NUP43: variants seen among roughly 807,000 people sequenced by gnomAD.
NUP43 encodes nucleoporin 43.
Under a neutral mutation model 47.3 loss-of-function variants are expected in NUP43, and 32 were observed. That is an observed-to-expected ratio of 0.68 (90% confidence interval 0.51 to 0.91). The LOEUF (loss-of-function observed/expected upper bound fraction) is 0.91. NUP43 is among the 40% of genes least tolerant of loss of function. The pLI is 0.00. For synonymous variants in NUP43, 147 were observed against 158.4 expected (o/e 0.93, Z 0.54); for missense variants, 444 against 453.9 (o/e 0.98, Z 0.20).
chr6:149,729,565 G>A (rs1784933069), intron 7 of NUP43: 1 of 977,356 alleles, frequency 1.0e-6, no homozygotes, highest in Non-Finnish European at 1.2e-6. Context: ...TCAAGTAGCA[G>A]GGGTACTAAC....
chr6:149,734,194 G>T (rs1785203628), intron 6 of NUP43, among the ~76,000 whole-genome samples: 1 of 151,988 alleles, frequency 6.6e-6, no homozygotes, highest in Admixed American at 6.6e-5. Flanking sequence ...AATTAGCTAG[G>T]TGTAGTGGCA....
At chr6:149,734,791 C>T (rs1017700296) in intron 6 of NUP43, among the ~76,000 whole-genome samples, 1 of 115,040 alleles carries the variant, frequency 8.7e-6, no homozygotes, top group African/African-American at 3.3e-5. Context: ...GAACAAGACT[C>T]TGTCTCAAAA....
chr6:149,741,478 AT>A (rs2115139699), intron 4 of NUP43, among the ~76,000 whole-genome samples: 1 of 150,992 alleles, frequency 6.6e-6, no homozygotes, highest in East Asian at 2.0e-4. Flanking sequence ...CCGGCCATAT[AT>A]TTTTACATCC....
chr6:149,739,681 TC>T, intron 4 of NUP43, among the ~76,000 whole-genome samples: 1 of 152,254 alleles, frequency 6.6e-6, no homozygotes. Context: ...TTGTTCAAGC[TC>T]CTCTAAACCC....
At chr6:149,735,336 C>A in intron 6 of NUP43, among the ~76,000 whole-genome samples, 1 of 152,144 alleles carries the variant, frequency 6.6e-6, no homozygotes, top group East Asian at 1.9e-4. Context: ...GAACTACAGG[C>A]ATGTGCCAAT....
intron 3 of NUP43, among the ~76,000 whole-genome samples, chr6:149,743,130 C>T (rs762759296): frequency 2.7e-5 from 4 of 150,612 alleles, no homozygotes; most frequent in South Asian, 2.1e-4. Flanking sequence ...GAGCAGAGAT[C>T]GCACCACTGC....
chr6:149,731,134 G>T (rs900424620), intron 7 of NUP43, among the ~76,000 whole-genome samples: 3 of 151,588 alleles, frequency 2.0e-5, no homozygotes, highest in Non-Finnish European at 2.9e-5. Context: ...GCCAGTTGTG[G>T]TGGCACACAC....
At chr6:149,738,583 T>C (rs1274284607) in intron 5 of NUP43, 60 bp downstream of exon 5, 9 of 1,275,698 alleles carry the variant, frequency 7.1e-6, no homozygotes, top group Non-Finnish European at 9.5e-6. Flanking sequence ...CCAGTAGCTA[T>C]AAACAACCTA....
At chr6:149,736,412 C>T in intron 6 of NUP43, 59 bp downstream of exon 6, 1 of 1,248,904 alleles carries the variant, frequency 8.0e-7, no homozygotes. Flanking sequence ...TGGAAAGGTG[C>T]TTATTATATG....
chr6:149,743,214 T>A (rs1175738136), intron 3 of NUP43, among the ~76,000 whole-genome samples: 2 of 151,078 alleles, frequency 1.3e-5, no homozygotes, highest in African/African-American at 4.9e-5. Context: ...ATAAAATAAA[T>A]AAAATATTAA....
intron 2 of NUP43, among the ~76,000 whole-genome samples, chr6:149,745,346 G>A (rs1012650856): frequency 6.6e-6 from 1 of 151,264 alleles, no homozygotes; most frequent in Admixed American, 6.6e-5. Context: ...GTTGTAGTGA[G>A]CTCAGATCAT....
chr6:149,737,059 G>A (rs969636483), intron 5 of NUP43, among the ~76,000 whole-genome samples: 1 of 152,062 alleles, frequency 6.6e-6, no homozygotes, highest in Non-Finnish European at 1.5e-5. Context: ...GGGAGGCCAA[G>A]GCAGGTGGAT....
At chr6:149,734,203 C>A (rs1012091926) in intron 6 of NUP43, among the ~76,000 whole-genome samples, 10 of 152,018 alleles carry the variant, frequency 6.6e-5, no homozygotes, top group African/African-American at 2.4e-4. Context: ...GGTGTAGTGG[C>A]ATATACCTGT....
intron 6 of NUP43, among the ~76,000 whole-genome samples, chr6:149,735,401 T>C (rs558990828): frequency 2.6e-5 from 4 of 152,006 alleles, no homozygotes; most frequent in Admixed American, 1.3e-4. Flanking sequence ...CAATGCGCTA[T>C]GCAAAATGTT....
intron 1 of NUP43, 136 bp downstream of exon 1, chr6:149,746,240 G>A (rs1305954915): frequency 2.9e-6 from 4 of 1,399,324 alleles, no homozygotes; most frequent in African/African-American, 2.9e-5. Context: ...CGGAGCAACC[G>A]CGCCTGAGAC....
Position 149,726,963 on chromosome 6 carries a change from G to T in NUP43, c.*6C>A. ...TTCTATCTGAAATCTTATAATTATA[G>T]TACTTCTACGAAAAAAGATGTCTAG... On this transcript the variant is annotated 3_prime_UTR_variant, in exon 8 of 8. Transcript: ENST00000340413. 1 of 1,600,134 alleles carries T rather than the reference G, an allele frequency of 6.2e-7. No homozygotes were observed. Among genetic ancestry groups the T allele is most frequent in the Non-Finnish European group, 8.6e-7 (1 of 1,167,650 alleles).
At chr6:149,736,209 AG>A (rs537327193) in intron 6 of NUP43, among the ~76,000 whole-genome samples, 82 of 150,944 alleles carry the variant, frequency 5.4e-4, no homozygotes, top group African/African-American at 1.9e-3. Context: ...CCCAGGAGGC[AG>A]AGGTTGCGGT....
At chr6:149,734,286 C>A (rs1785208821) in intron 6 of NUP43, among the ~76,000 whole-genome samples, 1 of 151,892 alleles carries the variant, frequency 6.6e-6, no homozygotes, top group Admixed American at 6.6e-5. Context: ...AGTGAGGTAC[C>A]ATGCCACTGC....
upstream of NUP43, chr6:149,746,624 C>G (rs1195637148): frequency 5.0e-6 from 8 of 1,601,114 alleles, no homozygotes. Flanking sequence ...AGAGTCAATT[C>G]TCGTCGATAG....
Sources: allele counts gnomAD v4.1 joint callset (sites outside exome capture counted in the v4.1 genomes callset), GRCh38; gene constraint gnomAD v4.1.1; transcripts MANE v1.5; gene names NCBI Gene and HGNC (gene_info 2026-07-23, HGNC 2026-07-21).